The following TPM3 variants were observed in gnomAD, a reference collection of about 807,000 sequenced individuals.
TPM3 encodes the protein tropomyosin alpha-3 chain.
In TPM3, 16 loss-of-function variants were observed where a neutral mutation model predicts 43.1. That is an observed-to-expected ratio of 0.37 (90% CI 0.25 to 0.56). The LOEUF (loss-of-function observed/expected upper bound fraction) is 0.56, where lower values mean the gene tolerates loss of function less well. Ranked by LOEUF, TPM3 falls within the 20% of genes least tolerant of loss-of-function variation. The probability of loss-of-function intolerance (pLI) is 0.77; values close to 1 mark genes in which losing one functional copy is unlikely to be tolerated. For missense variants in TPM3, 176 were observed against 337.2 expected (o/e 0.52, Z 3.74); for synonymous variants, 101 against 116.9 (o/e 0.86, Z 0.88).
intron 9 of TPM3, 71 bp downstream of exon 9, chr1:154,169,234 C>T: frequency 7.0e-7 from 1 of 1,425,142 alleles, no homozygotes; most frequent in Admixed American, 1.7e-5. Flanking sequence ...AAGCACACCA[C>T]TATGCATAGC....
At chr1:154,185,658 C>T (rs1303272088) in intron 2 of TPM3, among the ~76,000 whole-genome samples, 2 of 148,650 alleles carry the variant, frequency 1.3e-5, no homozygotes, top group Admixed American at 6.7e-5. Context: ...TGCAGTGAGC[C>T]GAGATCGCGC....
chr1:154,170,363 T>C lies in TPM3; in HGVS notation c.775+37A>G, dbSNP rs1239630810. 1.2e-5 allele frequency: 19 copies of C among 1,604,774 alleles called. No individual in the cohort carries two copies. In the East Asian group the frequency reaches 3.1e-4, roughly 26 times the overall value. On this transcript the variant is annotated intron_variant, in intron 8 of 9. Transcript: ENST00000651641. ...ATGGTTAATGGGCAGTCTTCCTCTA[T>C]ATTTCTCTATTTCAATCCCTACTCC...
In TPM3 at chr1:154,191,663, A is replaced by C. The variant is rs3811454; in HGVS notation, c.117+239T>G. The C allele has an allele frequency of 0.085, 122,312 of 1,431,736 alleles. 5,483 individuals are homozygous for C. Among genetic ancestry groups the C allele is most frequent in the Admixed American group, 0.1 (3,782 of 36,598 alleles). 88.7% of individuals were successfully genotyped at this position (1,431,736 alleles called of 1,614,324 possible). A position where few individuals can be genotyped will look rare whatever the true frequency, so the allele number is the denominator to read the frequency against. Reference sequence around the variant, plus strand: ...TAGAAGTCAAGGGTTCTTCCAAAACATGGTCCATTTCTACTTAAATTCAGC... The same window carrying C: ...TAGAAGTCAAGGGTTCTTCCAAAACCTGGTCCATTTCTACTTAAATTCAGC... On this transcript the variant is annotated intron_variant, in intron 1 of 9. Transcript: ENST00000651641.
rs773372657 is a variant in TPM3, at chr1:154,183,129, C to A, written c.244-6881G>T. ...TGGTGATCCCAGCCATGGTGCCCAC[C>A]CAGCTACTGCTCGCGCTCCGGTTCC... On this transcript the variant is annotated intron_variant, in intron 2 of 9. Coordinates refer to ENST00000651641, the MANE Select transcript of TPM3 (RefSeq NM_152263.4). The A allele has an allele frequency of 1.9e-6, 3 of 1,598,094 alleles. No homozygotes were observed. The South Asian group carries it at 3.3e-5, about 18-fold the overall frequency.
chr1:154,160,405 G>A (rs1258473503), downstream of TPM3, among the ~76,000 whole-genome samples: 1 of 152,228 alleles, frequency 6.6e-6, no homozygotes, highest in African/African-American at 2.4e-5. Context: ...CTAGAGACCA[G>A]TATGGTCCCA....
intron 2 of TPM3, among the ~76,000 whole-genome samples, chr1:154,185,709 GA>G (rs111472790): frequency 1.1e-3 from 139 of 128,114 alleles, no homozygotes; most frequent in Middle Eastern, 3.8e-3. Flanking sequence ...GACACAGTCT[GA>G]AAAAAAAAAA....
downstream of TPM3, chr1:154,157,609 G>C (rs773143184): frequency 5.2e-6 from 4 of 773,714 alleles, no homozygotes; most frequent in Admixed American, 1.7e-5. Context: ...GTCAGAGGGA[G>C]GAGCAGCAGC....
At chr1:154,182,961 C>A (rs1663130180) in intron 2 of TPM3, 1 of 1,610,608 alleles carries the variant, frequency 6.2e-7, no homozygotes, top group African/African-American at 1.3e-5. Context: ...GCCTGCCCCT[C>A]CCTCATGAGC....
At chr1:154,178,592 T>C (rs1662605462) in intron 2 of TPM3, among the ~76,000 whole-genome samples, 1 of 152,244 alleles carries the variant, frequency 6.6e-6, no homozygotes, top group Admixed American at 6.5e-5. Flanking sequence ...CATGAGTCTA[T>C]GCACAGTGCC....
chr1:154,179,367 G>A (rs1301855063), intron 2 of TPM3, among the ~76,000 whole-genome samples: 3 of 152,070 alleles, frequency 2.0e-5, no homozygotes, highest in Admixed American at 6.5e-5. Flanking sequence ...AAAGAGAAAG[G>A]AAAGCAAAGC....
In TPM3 at chr1:154,162,362, C is replaced by T. The variant is rs1227096407; in HGVS notation, c.*5575G>A. On this transcript the variant is annotated 3_prime_UTR_variant, in exon 10 of 10. Coordinates refer to ENST00000651641, the MANE Select transcript of TPM3 (RefSeq NM_152263.4). ...CCTGGGCAACAGAGCAAGACTCCGTCTCAAAAAAAAAAAAAAAAAAAAACA... is the reference window on the plus strand; with the variant it reads ...CCTGGGCAACAGAGCAAGACTCCGTTTCAAAAAAAAAAAAAAAAAAAAACA... Among the ~76,000 whole-genome samples, 1 of 77,700 alleles carries T rather than the reference C, an allele frequency of 1.3e-5. No individual in the cohort carries two copies. Among genetic ancestry groups the T allele is most frequent in the East Asian group, 6.9e-4 (1 of 1,458 alleles). 51.0% of individuals were successfully genotyped at this position (77,700 alleles called of 152,430 possible). A position where few individuals can be genotyped will look rare whatever the true frequency, so the allele number is the denominator to read the frequency against.
Position 154,169,348 on chromosome 1 carries a change from T to C in TPM3, c.811A>G (p.Ile271Val). ...LYAQKLKYKA[I>V]SEELDHALND... ...AGGGCGTGGTCCAGCTCCTCGCTAA[T>C]GGCCTTGTACTTCAGTTTCTGGGCA... Residue 271 changes from isoleucine (I) to valine (V), a missense_variant, in exon 9 of 10, where the codon ATT (isoleucine) becomes GTT (valine). Around this residue, in one of 4 missense-constraint regions of TPM3, gnomAD observed 26 missense variants for 21.8 expected, o/e 1.19. Coordinates refer to ENST00000651641, the MANE Select transcript of TPM3 (RefSeq NM_152263.4). The C allele has an allele frequency of 1.2e-6, 2 of 1,614,208 alleles. No homozygotes were observed. Among genetic ancestry groups the C allele is most frequent in the Non-Finnish European group, 1.7e-6 (2 of 1,180,032 alleles).
intron 1 of TPM3, 91 bp downstream of exon 1, chr1:154,191,811 C>A (rs1453482882): frequency 1.9e-6 from 3 of 1,572,322 alleles, no homozygotes; most frequent in Non-Finnish European, 2.6e-6. Flanking sequence ...AAGGAGGTGA[C>A]ACCAGTAGTC....
rs756332658 is a variant in TPM3, at chr1:154,169,297, A to G, written c.854+8T>C. On this transcript the variant is annotated splice_region_variant and intron_variant, in intron 9 of 9. Transcript: ENST00000651641. ...GATCCCAGCCCCACTCTACTGTCAG[A>G]TAGTTACATAGAGGTCATGTCATTG... is the stretch of plus-strand genomic sequence containing the variant. 9 of 1,614,040 alleles carry G rather than the reference A, an allele frequency of 5.6e-6. No homozygotes were observed. The East Asian group carries it at 2.0e-4, about 36-fold the overall frequency.
chr1:154,155,631 G>T (rs1470842925), downstream of TPM3: 2 of 233,628 alleles, frequency 8.6e-6, no homozygotes, highest in African/African-American at 2.2e-5. Context: ...ACTCTTGAGA[G>T]CACTTGTTGT....
chr1:154,181,999 A>G (rs2148278665), intron 2 of TPM3, among the ~76,000 whole-genome samples: 1 of 151,596 alleles, frequency 6.6e-6, no homozygotes, highest in African/African-American at 2.4e-5. Flanking sequence ...TTTCAGTTGA[A>G]CAAATATTCC....
chr1:154,167,801 T>G lies in TPM3; in HGVS notation c.*136A>C, dbSNP rs1261285662. 4.7e-5 allele frequency: 74 copies of G among 1,581,750 alleles called. No individual in the cohort carries two copies. Among genetic ancestry groups the G allele is most frequent in the Non-Finnish European group, 6.0e-5 (70 of 1,163,396 alleles). ...GTGGGGGTGGAAGAAAATACATAAGTTGCTTTTTGCTCCCCCATCCTAATG... is the reference window on the plus strand; with the variant it reads ...GTGGGGGTGGAAGAAAATACATAAGGTGCTTTTTGCTCCCCCATCCTAATG... On this transcript the variant is annotated 3_prime_UTR_variant, in exon 10 of 10. Coordinates refer to ENST00000651641, the MANE Select transcript of TPM3 (RefSeq NM_152263.4).
At chr1:154,173,243 G>C (rs754858294) in intron 3 of TPM3, 42 bp from the exon 4 acceptor site, 1 of 1,544,262 alleles carries the variant, frequency 6.5e-7, no homozygotes, top group Non-Finnish European at 8.9e-7. Flanking sequence ...ACCCTGAGGA[G>C]TGTGTCGTCA....
At position 154,171,948 on chromosome 1, in the gene TPM3, G is replaced by A. The variant is rs529640466; in HGVS notation, c.567-460C>T. Reference sequence around the variant, plus strand: ...AGCACTCAACAAAATCAAGTGGAGGGGAGGCAGCTGCAAAACAAAAACAAA... The same window carrying A: ...AGCACTCAACAAAATCAAGTGGAGGAGAGGCAGCTGCAAAACAAAAACAAA... On this transcript the variant is annotated intron_variant, in intron 5 of 9. Coordinates refer to ENST00000651641, the MANE Select transcript of TPM3 (RefSeq NM_152263.4). 2.0e-4 allele frequency: 283 copies of A among 1,422,912 alleles called. 2 individuals are homozygous for A. In the South Asian group the frequency reaches 3.1e-3, roughly 16 times the overall value. The allele number at this position is 1,422,912 out of a possible 1,614,324, so 88.1% of individuals were successfully genotyped here.
Sources: allele counts gnomAD v4.1 joint callset (sites outside exome capture counted in the v4.1 genomes callset), GRCh38; gene constraint gnomAD v4.1.1; regional missense constraint gnomAD v4.1.1; transcripts MANE v1.5; gene names NCBI Gene and HGNC (gene_info 2026-07-23, HGNC 2026-07-21).